MEGF10: variants seen among roughly 807,000 people sequenced by gnomAD.
The protein encoded by MEGF10 is multiple EGF like domains 10, also known as multiple epidermal growth factor-like domains protein 10.
MEGF10 carries 86 observed loss-of-function variants against 147.5 expected under a neutral mutation model. That is an observed-to-expected ratio of 0.58 (90% confidence interval 0.49 to 0.70). The LOEUF (loss-of-function observed/expected upper bound fraction) is 0.70. Ranked by LOEUF, MEGF10 falls within the 30% of genes least tolerant of loss-of-function variation. The probability of loss-of-function intolerance (pLI) is 0.00; values close to 1 mark genes in which losing one functional copy is unlikely to be tolerated. For missense variants in MEGF10, 1,329 were observed against 1,487.3 expected (o/e 0.89, Z 1.75); for synonymous variants, 478 against 525.5 (o/e 0.91, Z 1.24).
intron 4 of MEGF10, among the ~76,000 whole-genome samples, chr5:127,348,196 C>G (rs1046008571): frequency 6.6e-6 from 1 of 152,012 alleles, no homozygotes; most frequent in African/African-American, 2.4e-5. Flanking sequence ...GATCCATTTG[C>G]TTATATCCAT....
intron 1 of MEGF10, among the ~76,000 whole-genome samples, chr5:127,328,466 A>C (rs1477854197): frequency 1.3e-5 from 2 of 152,202 alleles, no homozygotes; most frequent in African/African-American, 4.8e-5. Flanking sequence ...TGTATACTGA[A>C]CTTCCAAAGC....
intron 4 of MEGF10, among the ~76,000 whole-genome samples, chr5:127,369,302 T>G (rs544061471): frequency 5.9e-4 from 90 of 152,304 alleles, no homozygotes; most frequent in Non-Finnish European, 2.2e-4. Context: ...AAGGGTTGAG[T>G]ACACCTAAGA....
chr5:127,459,028 G>A lies in MEGF10; in HGVS notation c.*1710G>A, dbSNP rs796543352. ...GACCAAGCAAAGGGGCTGAAAAACT[G>A]AATAAGGAAACAACTTTATAAGAGA... On this transcript the variant is annotated 3_prime_UTR_variant, in exon 25 of 25. Coordinates refer to ENST00000503335, the MANE Select transcript of MEGF10 (RefSeq NM_001256545.2). 1.4e-4 allele frequency: 22 copies of A among 152,246 alleles called. No homozygotes were observed. The highest frequency in any genetic ancestry group is 5.3e-4 in the African/African-American group (22 of 41,564). The allele number at this position is 152,246 out of a possible 1,614,324, so 9.4% of individuals were successfully genotyped here.
intron 2 of MEGF10, 50 bp downstream of exon 2, chr5:127,331,474 A>G (rs1353679047): frequency 1.0e-6 from 1 of 974,272 alleles, no homozygotes; most frequent in African/African-American, 1.6e-5. Context: ...AAGTTCCCTT[A>G]TATACTGTAA....
At chr5:127,269,560 A>G in the MEGF10 span, among the ~76,000 whole-genome samples, 1 of 152,216 alleles carries the variant, frequency 6.6e-6, no homozygotes, top group East Asian at 1.9e-4. Flanking sequence ...AAAGAAATGA[A>G]CAAAGCCTCC....
chr5:127,404,027 C>T (rs1764230863), intron 8 of MEGF10, among the ~76,000 whole-genome samples: 1 of 152,146 alleles, frequency 6.6e-6, no homozygotes, highest in Admixed American at 6.5e-5. Context: ...AACTGTTCTC[C>T]ATAGTGGTTG....
At chr5:127,371,367 T>G (rs1762846958) in intron 5 of MEGF10, among the ~76,000 whole-genome samples, 3 of 152,004 alleles carry the variant, frequency 2.0e-5, no homozygotes, top group Non-Finnish European at 4.4e-5. Flanking sequence ...TGAGGCAAAA[T>G]GTTTGGGATG....
At chr5:127,247,336 A>C in the MEGF10 span, among the ~76,000 whole-genome samples, 1 of 3,768 alleles carries the variant, frequency 2.7e-4, no homozygotes, top group African/African-American at 6.6e-4. Context: ...GAAGAAGAAG[A>C]AGAAGAAGAA....
the MEGF10 span, among the ~76,000 whole-genome samples, chr5:127,280,530 C>G: frequency 6.6e-6 from 1 of 152,244 alleles, no homozygotes; most frequent in African/African-American, 2.4e-5. Context: ...TTCTCCCTGT[C>G]TGAAGTCTCC....
the MEGF10 span, among the ~76,000 whole-genome samples, chr5:127,260,617 G>A: frequency 5.3e-5 from 8 of 152,170 alleles, no homozygotes; most frequent in African/African-American, 1.4e-4. Context: ...GCTACGTGGT[G>A]GAGAGATGAG....
intron 8 of MEGF10, among the ~76,000 whole-genome samples, chr5:127,408,580 C>A (rs1437660883): frequency 6.6e-6 from 1 of 152,152 alleles, no homozygotes; most frequent in Non-Finnish European, 1.5e-5. Flanking sequence ...CCATGTATAA[C>A]TTTTAGGCAC....
At chr5:127,436,785 T>A (rs1244169578) in intron 16 of MEGF10, among the ~76,000 whole-genome samples, 1 of 152,220 alleles carries the variant, frequency 6.6e-6, no homozygotes, top group Non-Finnish European at 1.5e-5. Flanking sequence ...TTGCTTCTCC[T>A]GGGGATCATT....
At chr5:127,272,964 T>C in the MEGF10 span, among the ~76,000 whole-genome samples, 1 of 152,214 alleles carries the variant, frequency 6.6e-6, no homozygotes, top group Non-Finnish European at 1.5e-5. Context: ...TCCAATGCTA[T>C]GGCCAGAACT....
intron 5 of MEGF10, among the ~76,000 whole-genome samples, chr5:127,386,947 A>G (rs1362889446): frequency 6.6e-6 from 1 of 152,196 alleles, no homozygotes; most frequent in Non-Finnish European, 1.5e-5. Flanking sequence ...TTTACAACAA[A>G]TAAAGGTTGG....
intron 1 of MEGF10, among the ~76,000 whole-genome samples, chr5:127,291,805 G>C (rs1051910670): frequency 2.6e-5 from 4 of 152,154 alleles, no homozygotes; most frequent in Non-Finnish European, 1.5e-5. Flanking sequence ...TTTTCTTAGT[G>C]ACACCACTGA....
chr5:127,269,966 C>A, the MEGF10 span, among the ~76,000 whole-genome samples: 2 of 152,188 alleles, frequency 1.3e-5, no homozygotes, highest in South Asian at 2.1e-4. Flanking sequence ...CACAGAATTT[C>A]ATATCCAGCC....
chr5:127,372,159 G>A (rs1317343967), intron 5 of MEGF10, among the ~76,000 whole-genome samples: 6 of 152,010 alleles, frequency 3.9e-5, no homozygotes, highest in Non-Finnish European at 2.9e-5. Flanking sequence ...TCTCCCCCCT[G>A]CTTTGGTTAT....
intron 1 of MEGF10, among the ~76,000 whole-genome samples, chr5:127,296,858 A>T (rs1759525117): frequency 6.6e-6 from 1 of 152,238 alleles, no homozygotes; most frequent in Admixed American, 6.5e-5. Context: ...ACATCTTGAG[A>T]AAAGTACTTG....
intron 2 of MEGF10, among the ~76,000 whole-genome samples, chr5:127,332,335 T>C (rs563435871): frequency 4.6e-5 from 7 of 152,260 alleles, no homozygotes; most frequent in East Asian, 3.9e-4. Context: ...TGGAGGGTAA[T>C]ATGTATTTTT....
Sources: gnomAD v4.1 joint callset for allele counts (sites outside exome capture counted in the v4.1 genomes callset) on GRCh38, gnomAD v4.1.1 for gene constraint, MANE v1.5 for transcripts, NCBI Gene and HGNC (gene_info 2026-07-23, HGNC 2026-07-21) for gene names.